The following CLSTN2 variants were observed in gnomAD, a reference collection of about 807,000 sequenced individuals.
CLSTN2 encodes calsyntenin 2, also known as calsyntenin-2.
In CLSTN2, 48 loss-of-function variants were observed where a neutral mutation model predicts 101.2. That is an observed-to-expected ratio of 0.47 (90% CI 0.38 to 0.60). CLSTN2 has a LOEUF of 0.60. Ranked by LOEUF, CLSTN2 falls within the 20% of genes least tolerant of loss-of-function variation. The probability of loss-of-function intolerance (pLI) is 0.00; values close to 1 mark genes in which losing one functional copy is unlikely to be tolerated. For synonymous variants in CLSTN2, 481 were observed against 463.6 expected (o/e 1.04, Z -0.48); for missense variants, 1,160 against 1,238.2 (o/e 0.94, Z 0.95).
At chr3:140,441,317 C>T (rs537566522) in intron 5 of CLSTN2, among the ~76,000 whole-genome samples, 3 of 152,246 alleles carry the variant, frequency 2.0e-5, no homozygotes, top group Admixed American at 6.5e-5. Context: ...CTAGGAGATC[C>T]AGGAATAGTC....
At chr3:140,009,642 T>G (rs2007031870) in intron 1 of CLSTN2, among the ~76,000 whole-genome samples, 1 of 152,246 alleles carries the variant, frequency 6.6e-6, no homozygotes. Flanking sequence ...TTTTCAGTTG[T>G]AAGTTTATAT....
intron 1 of CLSTN2, among the ~76,000 whole-genome samples, chr3:140,045,570 C>T (rs908028423): frequency 9.2e-5 from 14 of 152,132 alleles, no homozygotes; most frequent in South Asian, 2.1e-4. Context: ...CTTTTGAATG[C>T]GTTTGCTCTT....
chr3:140,371,928 G>T lies in CLSTN2; in HGVS notation c.233-31701G>T, dbSNP rs1240041089. ...GTAATACATTGATGTTTCATGATGG[G>T]CTGTGGGAGGCCAGAGAGACCAAGC... On this transcript the variant is annotated intron_variant, in intron 2 of 16. Transcript: ENST00000458420. Among the ~76,000 whole-genome samples, 6 of 152,262 alleles carry T rather than the reference G, an allele frequency of 3.9e-5. No individual in the cohort carries two copies. The South Asian group carries it at 6.2e-4, about 16-fold the overall frequency.
intron 10 of CLSTN2, among the ~76,000 whole-genome samples, chr3:140,549,331 G>A (rs1268986765): frequency 6.6e-6 from 1 of 151,114 alleles, no homozygotes; most frequent in African/African-American, 2.4e-5. Flanking sequence ...GAAAAGAGGA[G>A]GTGCTAAAAT....
intron 2 of CLSTN2, among the ~76,000 whole-genome samples, chr3:140,245,226 A>G (rs1413226326): frequency 6.6e-6 from 1 of 152,228 alleles, no homozygotes; most frequent in Non-Finnish European, 1.5e-5. Flanking sequence ...CTGAATGAAT[A>G]ACTAAATCTA....
intron 7 of CLSTN2, among the ~76,000 whole-genome samples, chr3:140,463,640 T>G (rs2108019074): frequency 6.6e-6 from 1 of 152,226 alleles, no homozygotes; most frequent in African/African-American, 2.4e-5. Flanking sequence ...TTAGGGTACA[T>G]GAAAGCTTGG....
chr3:140,492,346 G>C (rs934194400), intron 8 of CLSTN2, among the ~76,000 whole-genome samples: 1 of 152,148 alleles, frequency 6.6e-6, no homozygotes, highest in African/African-American at 2.4e-5. Context: ...TTTATTAAAA[G>C]ACATGTATAA....
chr3:140,126,475 G>C (rs2009433072), intron 1 of CLSTN2, among the ~76,000 whole-genome samples: 2 of 152,070 alleles, frequency 1.3e-5, no homozygotes, highest in East Asian at 3.9e-4. Flanking sequence ...TGCAAAAAAA[G>C]CCCTAAGGGA....
chr3:140,075,541 T>C (rs1253695451), intron 1 of CLSTN2, among the ~76,000 whole-genome samples: 1 of 152,214 alleles, frequency 6.6e-6, no homozygotes, highest in East Asian at 1.9e-4. Flanking sequence ...CACCCTCCCA[T>C]TTATATCTCC....
chr3:140,534,310 C>T (rs997905471), intron 9 of CLSTN2, among the ~76,000 whole-genome samples: 4 of 152,114 alleles, frequency 2.6e-5, no homozygotes, highest in Non-Finnish European at 5.9e-5. Flanking sequence ...AAGAGCCCCT[C>T]AGAAACCACA....
At chr3:140,187,247 G>A (rs1299324165) in intron 2 of CLSTN2, among the ~76,000 whole-genome samples, 6 of 152,086 alleles carry the variant, frequency 3.9e-5, no homozygotes, top group Non-Finnish European at 8.8e-5. Context: ...CTCCACACCA[G>A]CCTCATATGT....
chr3:140,493,187 A>G (rs1268309781), intron 8 of CLSTN2, among the ~76,000 whole-genome samples: 5 of 152,130 alleles, frequency 3.3e-5, no homozygotes, highest in African/African-American at 4.8e-5. Flanking sequence ...TTGGCCTTTA[A>G]TTATTCCATT....
intron 1 of CLSTN2, among the ~76,000 whole-genome samples, chr3:140,082,163 C>G (rs1487936108): frequency 1.3e-5 from 2 of 152,132 alleles, no homozygotes; most frequent in African/African-American, 4.8e-5. Flanking sequence ...TGTTCTGTCC[C>G]CTAGAGCAGG....
At chr3:140,241,297 G>T (rs568654872) in intron 2 of CLSTN2, among the ~76,000 whole-genome samples, 1 of 152,198 alleles carries the variant, frequency 6.6e-6, no homozygotes, top group African/African-American at 2.4e-5. Flanking sequence ...ATGTTCTCTT[G>T]TCCAATATTC....
intron 2 of CLSTN2, among the ~76,000 whole-genome samples, chr3:140,279,158 T>A (rs1197323738): frequency 6.6e-6 from 1 of 152,198 alleles, no homozygotes; most frequent in Non-Finnish European, 1.5e-5. Context: ...CCCATTGGCT[T>A]CTATGTACTC....
At chr3:140,162,489 A>G (rs920739301) in intron 1 of CLSTN2, among the ~76,000 whole-genome samples, 26 of 152,288 alleles carry the variant, frequency 1.7e-4, no homozygotes, top group South Asian at 8.3e-4. Flanking sequence ...GCCTGAGCTG[A>G]GCTGAACTGA....
In CLSTN2 at chr3:140,556,870, C is replaced by A. The variant is rs1177971482; in HGVS notation, c.1823+209C>A. On this transcript the variant is annotated intron_variant, in intron 11 of 16. Transcript: ENST00000458420. The stretch of plus-strand genomic sequence containing the variant: ...GTTCTGTTGTTTTACCACCTTGAAT[C>A]CACCTTTCTCTATCTTGTATCTTAT... 3 of 556,130 alleles carry A rather than the reference C, an allele frequency of 5.4e-6. No individual in the cohort carries two copies. In the African/African-American group the frequency reaches 5.7e-5, roughly 10 times the overall value. 34.4% of individuals were successfully genotyped at this position (556,130 alleles called of 1,614,324 possible).
At chr3:140,191,591 C>T (rs2010566524) in intron 2 of CLSTN2, among the ~76,000 whole-genome samples, 3 of 151,912 alleles carry the variant, frequency 2.0e-5, no homozygotes, top group Non-Finnish European at 4.4e-5. Flanking sequence ...CAGAGCTCTT[C>T]AATTCTCTAT....
intron 2 of CLSTN2, among the ~76,000 whole-genome samples, chr3:140,252,468 C>T (rs1333484807): frequency 6.6e-6 from 1 of 152,160 alleles, no homozygotes; most frequent in East Asian, 1.9e-4. Flanking sequence ...TCAGAACCTG[C>T]ATGTTAACAA....
Sources: allele counts gnomAD v4.1 joint callset (sites outside exome capture counted in the v4.1 genomes callset), GRCh38; gene constraint gnomAD v4.1.1; transcripts MANE v1.5; gene names NCBI Gene and HGNC (gene_info 2026-07-23, HGNC 2026-07-21).